NOVA1: variants seen among roughly 807,000 people sequenced by gnomAD.
NOVA1 encodes the protein RNA-binding protein Nova-1.
In NOVA1, 7 loss-of-function variants were observed where a neutral mutation model predicts 38.0. That is an observed-to-expected ratio of 0.18 (90% CI 0.10 to 0.35). The LOEUF (loss-of-function observed/expected upper bound fraction) is 0.35, where lower values mean the gene tolerates loss of function less well. NOVA1 is among the 10% of genes least tolerant of loss of function. The probability of loss-of-function intolerance (pLI) is 1.00; values close to 1 mark genes in which losing one functional copy is unlikely to be tolerated. For missense variants in NOVA1, 460 were observed against 616.0 expected (o/e 0.75, Z 2.68); for synonymous variants, 270 against 232.5 (o/e 1.16, Z -1.47).
chr14:26,594,095 T>C (rs771189526), intron 2 of NOVA1: 17 of 152,014 alleles, frequency 1.1e-4, no homozygotes, highest in Non-Finnish European at 1.9e-4. Context: ...GCAAACTTTC[T>C]TAATGCATAA....
chr14:26,554,752 CTATT>C (rs904925762), intron 2 of NOVA1, among the ~76,000 whole-genome samples: 2 of 152,164 alleles, frequency 1.3e-5, no homozygotes, highest in African/African-American at 4.8e-5. Flanking sequence ...GTGATTTTGA[CTATT>C]CATTTCTCTA....
intron 2 of NOVA1, among the ~76,000 whole-genome samples, chr14:26,535,814 C>A (rs2138574051): frequency 6.6e-6 from 1 of 151,282 alleles, no homozygotes; most frequent in African/African-American, 2.4e-5. Flanking sequence ...AAAACAAAAA[C>A]AACAACAACA....
intron 2 of NOVA1, among the ~76,000 whole-genome samples, chr14:26,480,665 T>C (rs933316408): frequency 1.3e-5 from 2 of 151,486 alleles, no homozygotes; most frequent in African/African-American, 4.9e-5. Flanking sequence ...ATATTTTACA[T>C]TGTTTTTTTT....
At chr14:26,566,197 G>C (rs1006526560) in intron 2 of NOVA1, among the ~76,000 whole-genome samples, 1 of 151,998 alleles carries the variant, frequency 6.6e-6, no homozygotes, top group Admixed American at 6.6e-5. Flanking sequence ...AAAAGATATC[G>C]TACATAACAC....
chr14:26,513,911 A>C (rs975945842), intron 2 of NOVA1, among the ~76,000 whole-genome samples: 3 of 151,576 alleles, frequency 2.0e-5, no homozygotes, highest in Non-Finnish European at 4.4e-5. Context: ...GCACATAGTA[A>C]CTCTTTTCGA....
At chr14:26,457,705 C>T (rs1883298465) in intron 4 of NOVA1, among the ~76,000 whole-genome samples, 1 of 152,028 alleles carries the variant, frequency 6.6e-6, no homozygotes, top group South Asian at 2.1e-4. Flanking sequence ...ACTCCATTTA[C>T]TTATTAAAAA....
rs191080063 is a variant in NOVA1, at chr14:26,546,629, T to C, written c.280+48781A>G. ...TCACTATTTCTTCAGCTGGTTCTAGTATCTCTTCTTAAAGCCTCTAATGGA... is the reference window on the plus strand; with the variant it reads ...TCACTATTTCTTCAGCTGGTTCTAGCATCTCTTCTTAAAGCCTCTAATGGA... On this transcript the variant is annotated intron_variant, in intron 2 of 4. Transcript: ENST00000539517. Among the ~76,000 whole-genome samples the C allele has an allele frequency of 1.5e-3, 223 of 152,346 alleles. 1 individual carries two copies. Among genetic ancestry groups the C allele is most frequent in the African/African-American group, 5.2e-3 (218 of 41,586 alleles).
intron 2 of NOVA1, among the ~76,000 whole-genome samples, chr14:26,530,102 G>C (rs1203759603): frequency 6.6e-6 from 1 of 152,104 alleles, no homozygotes; most frequent in Non-Finnish European, 1.5e-5. Flanking sequence ...TGTATTTTTA[G>C]CAGAGACGGG....
At chr14:26,491,902 A>G (rs1886377429) in intron 2 of NOVA1, among the ~76,000 whole-genome samples, 1 of 151,786 alleles carries the variant, frequency 6.6e-6, no homozygotes, top group Non-Finnish European at 1.5e-5. Flanking sequence ...ATATTGTTTT[A>G]TCTATTCTAG....
intron 2 of NOVA1, among the ~76,000 whole-genome samples, chr14:26,492,706 G>A (rs1039967695): frequency 2.6e-5 from 4 of 152,182 alleles, no homozygotes; most frequent in Middle Eastern, 3.4e-3. Context: ...GGTGGTTCAC[G>A]CCTGTAATCC....
rs1792929571 is a variant in NOVA1, at chr14:26,446,622, C to G, written c.*1337G>C. ...GGGGATGGATGCCCCTATGAGTGGC[C>G]TTGAGTGGGCAAACTCAGAGGTTAA... On this transcript the variant is annotated 3_prime_UTR_variant, in exon 5 of 5. Transcript: ENST00000539517. 1 of 152,734 alleles carries G rather than the reference C, an allele frequency of 6.5e-6. No individual in the cohort carries two copies. Among genetic ancestry groups the G allele is most frequent in the African/African-American group, 2.4e-5 (1 of 41,416 alleles). 9.5% of individuals were successfully genotyped at this position (152,734 alleles called of 1,614,324 possible). A position where few individuals can be genotyped will look rare whatever the true frequency, so the allele number is the denominator to read the frequency against.
At chr14:26,487,567 T>TAAAACACAGAGAAC (rs1886018178) in intron 2 of NOVA1, among the ~76,000 whole-genome samples, 1 of 152,136 alleles carries the variant, frequency 6.6e-6, no homozygotes, top group African/African-American at 2.4e-5. Context: ...CAAAGACATA[T>TAAAACACAGAGAAC]AGCAAACACA....
chr14:26,524,695 A>G (rs908400642), intron 2 of NOVA1, among the ~76,000 whole-genome samples: 4 of 152,202 alleles, frequency 2.6e-5, no homozygotes, highest in Admixed American at 1.3e-4. Context: ...CTTCCCATGC[A>G]AAATGTGAAG....
intron 2 of NOVA1, among the ~76,000 whole-genome samples, chr14:26,486,942 T>C (rs1254792166): frequency 6.6e-6 from 1 of 152,054 alleles, no homozygotes; most frequent in Non-Finnish European, 1.5e-5. Context: ...AAAGTATCCT[T>C]TCAACAGACT....
chr14:26,500,362 G>A (rs898447821), intron 2 of NOVA1, among the ~76,000 whole-genome samples: 4 of 151,992 alleles, frequency 2.6e-5, no homozygotes, highest in African/African-American at 9.7e-5. Flanking sequence ...CTTACTGCTC[G>A]GCTTACTGAG....
At chr14:26,469,089 A>G (rs766907025) in intron 4 of NOVA1, among the ~76,000 whole-genome samples, 1 of 152,162 alleles carries the variant, frequency 6.6e-6, no homozygotes. Flanking sequence ...AATTTGATCT[A>G]TTTGCTATAT....
chr14:26,546,859 A>G (rs1890819644), intron 2 of NOVA1, among the ~76,000 whole-genome samples: 1 of 152,012 alleles, frequency 6.6e-6, no homozygotes, highest in African/African-American at 2.4e-5. Flanking sequence ...CTCTACTACA[A>G]ATAGAAAAAA....
chr14:26,558,612 T>C (rs1891635052), intron 2 of NOVA1, among the ~76,000 whole-genome samples: 1 of 152,078 alleles, frequency 6.6e-6, no homozygotes, highest in African/African-American at 2.4e-5. Context: ...AAATACTGTT[T>C]TCTCAGTAAT....
At chr14:26,469,702 G>A (rs538821777) in intron 4 of NOVA1, among the ~76,000 whole-genome samples, 4 of 152,230 alleles carry the variant, frequency 2.6e-5, no homozygotes, top group East Asian at 1.9e-4. Context: ...CACTCCTTCC[G>A]CCTCAGCCTC....
Sources: gnomAD v4.1 joint callset for allele counts (sites outside exome capture counted in the v4.1 genomes callset) on GRCh38, gnomAD v4.1.1 for gene constraint, MANE v1.5 for transcripts, NCBI Gene and HGNC (gene_info 2026-07-23, HGNC 2026-07-21) for gene names.